Variants in CPS1 observed in about 807,000 individuals in gnomAD.
CPS1 encodes carbamoyl-phosphate synthase 1, also known as carbamoyl-phosphate synthase [ammonia], mitochondrial.
A neutral mutation model predicts 174.6 loss-of-function variants in CPS1; 109 were observed. The observed-to-expected ratio is 0.62, with a 90% CI of 0.53 to 0.73. CPS1 has a LOEUF of 0.73. Among genes scored for constraint, CPS1 ranks in the 30% least tolerant of loss-of-function variants. CPS1 has a pLI of 0.00. For synonymous variants in CPS1, 637 were observed against 632.0 expected (o/e 1.01, Z -0.12); for missense variants, 1,689 against 1,821.9 (o/e 0.93, Z 1.33).
intron 1 of CPS1, among the ~76,000 whole-genome samples, chr2:210,529,390 A>G (rs934175941): frequency 1.2e-4 from 18 of 151,960 alleles, no homozygotes; most frequent in Non-Finnish European, 2.1e-4. Context: ...CCTATTTTAG[A>G]GTCTACCTCT....
At chr2:210,606,486 C>T (rs184000958) in intron 17 of CPS1, among the ~76,000 whole-genome samples, 29 of 151,780 alleles carry the variant, frequency 1.9e-4, no homozygotes, top group Non-Finnish European at 4.0e-4. Context: ...AGTAAGTAGA[C>T]GATTGAAGCC....
At chr2:210,560,896 T>A (rs1697076919) in intron 1 of CPS1, among the ~76,000 whole-genome samples, 1 of 152,158 alleles carries the variant, frequency 6.6e-6, no homozygotes, top group African/African-American at 2.4e-5. Flanking sequence ...TTACTACATA[T>A]AGACACATTT....
chr2:210,556,339 TGTTGGAAAGTTGCTACTCTTTAGGATAAG>T, upstream of CPS1: 1 of 460,480 alleles, frequency 2.2e-6, no homozygotes, highest in Non-Finnish European at 4.3e-6. Context: ...ATCCTTAGCA[TGTTGGAAAGTTGCTACTCTTTAGGATAAG>T]GTTGTCCATG....
intron 11 of CPS1, 33 bp downstream of exon 11, chr2:210,592,989 CAAA>C: frequency 7.2e-7 from 1 of 1,395,464 alleles, no homozygotes; most frequent in Non-Finnish European, 9.8e-7. Context: ...ATTATGTATG[CAAA>C]AAAAAAATGT....
chr2:210,478,898 T>TCCCCCCCC (rs1694482719), intron 1 of CPS1, among the ~76,000 whole-genome samples: 1 of 68,876 alleles, frequency 1.5e-5, no homozygotes, highest in Non-Finnish European at 3.2e-5. Flanking sequence ...AATATTTCCC[T>TCCCCCCCC]CCCTCCCTCC....
At chr2:210,661,197 A>T (rs1236384957) in intron 32 of CPS1, among the ~76,000 whole-genome samples, 2 of 152,152 alleles carry the variant, frequency 1.3e-5, no homozygotes, top group East Asian at 3.8e-4. Context: ...TGACCAGGAA[A>T]ATTTAAAGTT....
chr2:210,545,011 T>C (rs1250593678), intron 1 of CPS1, among the ~76,000 whole-genome samples: 1 of 151,982 alleles, frequency 6.6e-6, no homozygotes, highest in Non-Finnish European at 1.5e-5. Flanking sequence ...TTTCTTTCCT[T>C]CAGAGGAGAT....
At chr2:210,638,842 G>A (rs955427799) in intron 22 of CPS1, among the ~76,000 whole-genome samples, 1 of 152,132 alleles carries the variant, frequency 6.6e-6, no homozygotes, top group African/African-American at 2.4e-5. Context: ...GCTGCTTTTA[G>A]AGAGCTGGTG....
At chr2:210,576,306 A>G (rs1388116966) in intron 2 of CPS1, 40 bp from the exon 3 acceptor site, 9 of 1,607,154 alleles carry the variant, frequency 5.6e-6, no homozygotes, top group Non-Finnish European at 6.8e-6. Flanking sequence ...TTGTAGTTAC[A>G]TACATTATTT....
chr2:210,597,358 C>T (rs1213701867), intron 13 of CPS1, among the ~76,000 whole-genome samples: 3 of 151,728 alleles, frequency 2.0e-5, no homozygotes, highest in African/African-American at 7.3e-5. Flanking sequence ...TGAATTAGAG[C>T]CCTAATATTG....
chr2:210,566,118 G>T (rs1388241036), intron 1 of CPS1, among the ~76,000 whole-genome samples: 1 of 152,158 alleles, frequency 6.6e-6, no homozygotes, highest in African/African-American at 2.4e-5. Flanking sequence ...ATGGGGCAAT[G>T]CAGCCCTCTA....
chr2:210,583,851 G>T (rs767027137), intron 6 of CPS1, among the ~76,000 whole-genome samples: 20 of 152,080 alleles, frequency 1.3e-4, no homozygotes, highest in Non-Finnish European at 2.2e-4. Context: ...CAAGCAACTA[G>T]AAGGTTATTG....
rs3036510 is a variant in CPS1 at position 210,485,246 on chromosome 2, T to TA, written c.3+7484dup. 1.1e-3 allele frequency among the ~76,000 whole-genome samples: 167 copies of TA among 146,700 alleles called. 2 individuals carry two copies. Among genetic ancestry groups the TA allele is most frequent in the African/African-American group, 1.3e-3 (52 of 39,584 alleles). ...GACTACATCTCAAAAAAAAAAAAAA[T>TA]AAAATAAAAATAAAAATAGATCTTA... On this transcript the variant is annotated intron_variant, in intron 1 of 38. Coordinates refer to the CPS1 transcript ENST00000430249.
At chr2:210,590,305 C>T in intron 8 of CPS1, 71 bp downstream of exon 8, 1 of 1,600,792 alleles carries the variant, frequency 6.2e-7, no homozygotes, top group Non-Finnish European at 8.6e-7. Context: ...CCTCAAAGGG[C>T]TGTGATACAT....
intron 18 of CPS1, among the ~76,000 whole-genome samples, chr2:210,607,657 T>G (rs151173670): frequency 6.6e-6 from 1 of 152,054 alleles, no homozygotes; most frequent in East Asian, 2.0e-4. Flanking sequence ...GCATTCTCAC[T>G]TGGTTCTTCT....
At chr2:210,619,387 CAT>C (rs1699428749) in intron 21 of CPS1, 1 of 152,000 alleles carries the variant, frequency 6.6e-6, no homozygotes, top group Non-Finnish European at 1.5e-5. Context: ...TGACATCTGA[CAT>C]ATTGTGAGGG....
chr2:210,635,215 T>C (rs1700007621), intron 21 of CPS1, among the ~76,000 whole-genome samples: 2 of 152,164 alleles, frequency 1.3e-5, no homozygotes, highest in South Asian at 4.2e-4. Flanking sequence ...AGTGCTGGTA[T>C]TACAGGTGTG....
At chr2:210,633,545 T>G (rs995533722) in intron 21 of CPS1, among the ~76,000 whole-genome samples, 2 of 152,338 alleles carry the variant, frequency 1.3e-5, no homozygotes, top group Middle Eastern at 3.4e-3. Context: ...ATGAAAATAC[T>G]ACATTCCTGA....
chr2:210,523,904 T>G (rs1695900132), intron 1 of CPS1, among the ~76,000 whole-genome samples: 1 of 151,994 alleles, frequency 6.6e-6, no homozygotes. Flanking sequence ...AAAACAAATG[T>G]GTGCTTAGTG....
Sources: gnomAD v4.1 joint callset for allele counts (sites outside exome capture counted in the v4.1 genomes callset) on GRCh38, gnomAD v4.1.1 for gene constraint, MANE v1.5 for transcripts, NCBI Gene and HGNC (gene_info 2026-07-23, HGNC 2026-07-21) for gene names.